The following JAK1 variants were observed in gnomAD, a reference collection of about 807,000 sequenced individuals.
JAK1 encodes the protein tyrosine-protein kinase JAK1.
JAK1 carries 16 observed loss-of-function variants against 136.6 expected under a neutral mutation model. The observed-to-expected ratio is 0.12, with a 90% CI of 0.08 to 0.18. JAK1 has a LOEUF of 0.18. Ranked by LOEUF, JAK1 falls within the 10% of genes least tolerant of loss-of-function variation. The pLI is 1.00. For synonymous variants in JAK1, 492 were observed against 519.5 expected (o/e 0.95, Z 0.72); for missense variants, 859 against 1,450.1 (o/e 0.59, Z 6.62).
chr1:64,910,497 T>C (rs1332473711), intron 1 of JAK1, among the ~76,000 whole-genome samples: 1 of 152,220 alleles, frequency 6.6e-6, no homozygotes, highest in African/African-American at 2.4e-5. Flanking sequence ...AGAGCTTTTG[T>C]GGTCTTCCCA....
chr1:65,005,344 CAAA>C (rs376032192), intron 2 of JAK1, among the ~76,000 whole-genome samples: 2 of 110,832 alleles, frequency 1.8e-5, no homozygotes, highest in Non-Finnish European at 1.9e-5. Flanking sequence ...AACGCCATCT[CAAA>C]AAAAAAAAAA....
At chr1:64,883,529 T>A (rs966760193) in intron 2 of JAK1, 54 bp from the exon 3 acceptor site, 3 of 1,499,050 alleles carry the variant, frequency 2.0e-6, no homozygotes, top group South Asian at 1.2e-5. Flanking sequence ...TAAAAGTTCT[T>A]ATGGCAAAAG....
At chr1:64,880,260 G>T (rs1207643555) in intron 3 of JAK1, among the ~76,000 whole-genome samples, 2 of 152,314 alleles carry the variant, frequency 1.3e-5, no homozygotes, top group Non-Finnish European at 2.9e-5. Flanking sequence ...TTACCCTTCA[G>T]AAGTTATAGT....
At chr1:64,837,785 TATCA>T (rs1181655576) in intron 22 of JAK1, 143 bp downstream of exon 22, 3 of 576,654 alleles carry the variant, frequency 5.2e-6, no homozygotes, top group African/African-American at 1.9e-5. Context: ...TGAAGATAAA[TATCA>T]ATCAATTCCA....
At chr1:64,870,557 G>T (rs1657013115) in intron 5 of JAK1, among the ~76,000 whole-genome samples, 1 of 152,086 alleles carries the variant, frequency 6.6e-6, no homozygotes, top group Non-Finnish European at 1.5e-5. Context: ...ACCTGGCCAG[G>T]ACCACTGTTC....
At chr1:64,860,303 C>CT (rs1244345005) in intron 8 of JAK1, 41 bp from the exon 9 acceptor site, 1 of 1,545,716 alleles carries the variant, frequency 6.5e-7, no homozygotes, top group East Asian at 2.3e-5. Flanking sequence ...CATCATGTCT[C>CT]TATCAGCTTA....
intron 2 of JAK1, among the ~76,000 whole-genome samples, chr1:65,026,463 C>T (rs140639230): frequency 6.6e-6 from 1 of 152,254 alleles, no homozygotes; most frequent in Non-Finnish European, 1.5e-5. Context: ...AAAATGAGTG[C>T]CAGCTTCCCC....
chr1:64,886,376 G>A, intron 1 of JAK1, 35 bp from the exon 2 acceptor site: 1 of 1,229,438 alleles, frequency 8.1e-7, no homozygotes, highest in Non-Finnish European at 1.1e-6. Context: ...ATCAGTGGCA[G>A]AGGTAATTGC....
At chr1:64,837,164 G>A (rs559559307) in intron 22 of JAK1, among the ~76,000 whole-genome samples, 22 of 152,268 alleles carry the variant, frequency 1.4e-4, no homozygotes, top group African/African-American at 3.1e-4. Flanking sequence ...GCTCCATGCC[G>A]TTGGCTGCCT....
At chr1:65,045,938 G>C (rs1229220428) in intron 1 of JAK1, among the ~76,000 whole-genome samples, 1 of 152,178 alleles carries the variant, frequency 6.6e-6, no homozygotes, top group East Asian at 1.9e-4. Flanking sequence ...AAACACATCA[G>C]TTAATCTCTT....
intron 2 of JAK1, among the ~76,000 whole-genome samples, chr1:65,036,301 G>A (rs1283342747): frequency 1.3e-5 from 2 of 151,918 alleles, no homozygotes; most frequent in Non-Finnish European, 2.9e-5. Context: ...CAGGAATAGC[G>A]GTACACATCT....
chr1:64,937,973 G>A (rs144149146), intron 1 of JAK1, among the ~76,000 whole-genome samples: 1,536 of 151,882 alleles, frequency 0.01, 28 homozygotes, highest in African/African-American at 0.035. Flanking sequence ...TCTGCCTCCC[G>A]GGTTCATGCC....
intron 2 of JAK1, among the ~76,000 whole-genome samples, chr1:64,988,141 C>G (rs928396407): frequency 3.9e-5 from 6 of 152,132 alleles, no homozygotes; most frequent in African/African-American, 1.4e-4. Context: ...TCGGCCATAT[C>G]AGGAATATTT....
intron 2 of JAK1, among the ~76,000 whole-genome samples, chr1:64,981,695 T>G (rs1161876919): frequency 6.6e-6 from 1 of 152,206 alleles, no homozygotes; most frequent in Non-Finnish European, 1.5e-5. Flanking sequence ...TGTATTTAAG[T>G]ACCCTTACCT....
chr1:64,867,235 C>T, intron 6 of JAK1, 27 bp from the exon 7 acceptor site: 8 of 1,485,178 alleles, frequency 5.4e-6, no homozygotes, highest in Non-Finnish European at 7.4e-6. Flanking sequence ...AAGTACATCT[C>T]CTTTTCATGT....
At chr1:64,955,729 T>C (rs953194073) in intron 1 of JAK1, among the ~76,000 whole-genome samples, 2 of 152,112 alleles carry the variant, frequency 1.3e-5, no homozygotes, top group Admixed American at 6.5e-5. Context: ...CACATGGACA[T>C]AGAGTGCGCA....
At chr1:64,998,590 T>C (rs1557750778) in intron 2 of JAK1, among the ~76,000 whole-genome samples, 1 of 152,200 alleles carries the variant, frequency 6.6e-6, no homozygotes, top group African/African-American at 2.4e-5. Context: ...TTGATATGGT[T>C]TGGCTGTGTC....
At chr1:64,845,781 G>A in intron 14 of JAK1, 141 bp from the exon 15 acceptor site, 1 of 1,013,344 alleles carries the variant, frequency 9.9e-7, no homozygotes, top group Non-Finnish European at 1.5e-6. Flanking sequence ...ATGGTGCAGG[G>A]GCTTCAGAGC....
At chr1:65,024,387 C>T (rs1304188832) in intron 2 of JAK1, among the ~76,000 whole-genome samples, 1 of 152,056 alleles carries the variant, frequency 6.6e-6, no homozygotes, top group African/African-American at 2.4e-5. Flanking sequence ...AGTTTATTGG[C>T]TACTTGTACA....
Sources: gnomAD v4.1 joint callset for allele counts (sites outside exome capture counted in the v4.1 genomes callset) on GRCh38, gnomAD v4.1.1 for gene constraint, MANE v1.5 for transcripts, NCBI Gene and HGNC (gene_info 2026-07-23, HGNC 2026-07-21) for gene names.